Variants in CACNA2D3 observed in about 807,000 individuals in gnomAD.
CACNA2D3 encodes the protein voltage-dependent calcium channel subunit alpha-2/delta-3.
In CACNA2D3, 60 loss-of-function variants were observed where a neutral mutation model predicts 160.6. The observed-to-expected ratio is 0.37, with a 90% CI of 0.30 to 0.46. CACNA2D3 has a LOEUF of 0.46. CACNA2D3 is among the 20% of genes least tolerant of loss of function. CACNA2D3 has a pLI of 1.00. For missense variants in CACNA2D3, 1,205 were observed against 1,365.0 expected, an observed-to-expected ratio of 0.88 and a Z score of 1.85; for synonymous variants, 558 against 492.9, an observed-to-expected ratio of 1.13 and a Z score of -1.75.
intron 4 of CACNA2D3, among the ~76,000 whole-genome samples, chr3:54,418,703 A>G (rs951261867): frequency 2.6e-5 from 4 of 152,124 alleles, no homozygotes; most frequent in African/African-American, 9.7e-5. Flanking sequence ...TTACATGCCT[A>G]GTTTGTATAG....
intron 31 of CACNA2D3, among the ~76,000 whole-genome samples, chr3:54,995,205 C>T (rs1293224275): frequency 3.3e-5 from 5 of 152,076 alleles, no homozygotes; most frequent in Admixed American, 1.3e-4. Flanking sequence ...AACTCCTGAC[C>T]TCAGGTGATC....
chr3:55,034,412 T>G (rs1703768785), intron 35 of CACNA2D3, among the ~76,000 whole-genome samples: 1 of 152,088 alleles, frequency 6.6e-6, no homozygotes, highest in Non-Finnish European at 1.5e-5. Flanking sequence ...ATATTGTTAG[T>G]CTTTTCTTTT....
At chr3:54,292,529 T>C (rs1290024580) in intron 2 of CACNA2D3, among the ~76,000 whole-genome samples, 3 of 152,110 alleles carry the variant, frequency 2.0e-5, no homozygotes, top group Non-Finnish European at 4.4e-5. Context: ...AATAAACATA[T>C]ATCTTCAAAG....
chr3:54,775,960 C>T (rs1172958729), intron 13 of CACNA2D3, among the ~76,000 whole-genome samples: 1 of 152,130 alleles, frequency 6.6e-6, no homozygotes, highest in African/African-American at 2.4e-5. Flanking sequence ...TCCTACTTGC[C>T]ATCCCCAGTC....
intron 16 of CACNA2D3, among the ~76,000 whole-genome samples, chr3:54,844,632 T>C (rs1327202356): frequency 6.6e-6 from 1 of 152,140 alleles, no homozygotes; most frequent in Non-Finnish European, 1.5e-5. Context: ...TTTGCCCTCA[T>C]GAAACTTACA....
At chr3:55,062,967 C>A (rs145545447) in intron 35 of CACNA2D3, among the ~76,000 whole-genome samples, 1 of 152,298 alleles carries the variant, frequency 6.6e-6, no homozygotes, top group Admixed American at 6.5e-5. Flanking sequence ...ATGGCAAAGT[C>A]GCTGTGAGCA....
intron 25 of CACNA2D3, chr3:54,894,901 C>G (rs1008628484): frequency 6.6e-6 from 2 of 305,280 alleles, no homozygotes; most frequent in Non-Finnish European, 1.3e-5. Flanking sequence ...CTCCAGCATT[C>G]TAGATAGCAC....
chr3:54,164,206 G>A (rs114283150), intron 2 of CACNA2D3, among the ~76,000 whole-genome samples: 131 of 152,306 alleles, frequency 8.6e-4, no homozygotes, highest in African/African-American at 3.0e-3. Context: ...TCAGAGGGTA[G>A]GCCCGGCTGT....
intron 4 of CACNA2D3, among the ~76,000 whole-genome samples, chr3:54,448,511 G>A (rs1025981251): frequency 6.6e-6 from 1 of 152,148 alleles, no homozygotes; most frequent in African/African-American, 2.4e-5. Context: ...GGAGAGACCT[G>A]GTTTCACCCA....
chr3:54,380,771 A>G (rs1030204447), intron 3 of CACNA2D3, among the ~76,000 whole-genome samples: 1 of 152,104 alleles, frequency 6.6e-6, no homozygotes, highest in Non-Finnish European at 1.5e-5. Context: ...AATCTAGGGT[A>G]ACAGTTCAAC....
At chr3:55,029,831 C>G (rs569334012) in intron 35 of CACNA2D3, among the ~76,000 whole-genome samples, 1 of 152,194 alleles carries the variant, frequency 6.6e-6, no homozygotes, top group Non-Finnish European at 1.5e-5. Flanking sequence ...CAAGCATATG[C>G]TAATTTGTTG....
At chr3:54,203,298 T>C (rs964375996) in intron 2 of CACNA2D3, among the ~76,000 whole-genome samples, 3 of 152,148 alleles carry the variant, frequency 2.0e-5, no homozygotes, top group African/African-American at 7.2e-5. Flanking sequence ...CTTCACTGCC[T>C]TGTTGCTCAA....
At position 54,891,420 on chromosome 3, in the gene CACNA2D3, T is replaced by C. The variant is rs765825655; in HGVS notation, c.2216T>C (p.Leu739Pro). The C allele has an allele frequency of 6.2e-6, 10 of 1,613,788 alleles. No individual in the cohort carries two copies. Among genetic ancestry groups the C allele is most frequent in the Middle Eastern group, 1.6e-4 (1 of 6,080 alleles). ...GTRTGLSRIN[L>P]FVGAEQLTNQ... Reference sequence around the variant, plus strand: ...CGCACGGGCCTCTCCAGAATCAACCTGTTTGTCGGGGCTGAGCAGCTCACC... The same window carrying C: ...CGCACGGGCCTCTCCAGAATCAACCCGTTTGTCGGGGCTGAGCAGCTCACC... The change falls in exon 25 of 38, where the codon CTG (leucine) becomes CCG (proline). Residue 739 changes from leucine to proline, a missense_variant. Around this residue, in one of 3 missense-constraint regions of CACNA2D3, gnomAD observed 911 missense variants for 1,002.2 expected, o/e 0.91. Transcript: ENST00000474759.
At chr3:54,636,913 AG>A (rs539970724) in intron 10 of CACNA2D3, among the ~76,000 whole-genome samples, 8 of 152,130 alleles carry the variant, frequency 5.3e-5, no homozygotes, top group Admixed American at 5.2e-4. Flanking sequence ...GGTGAGTCTA[AG>A]TGAAAGCAAA....
intron 35 of CACNA2D3, among the ~76,000 whole-genome samples, chr3:55,052,498 A>G (rs754714617): frequency 9.9e-5 from 15 of 152,008 alleles, no homozygotes; most frequent in Non-Finnish European, 2.1e-4. Context: ...TTTTCTATAA[A>G]TGTTACTTAG....
At chr3:54,683,893 A>C (rs191406934) in intron 11 of CACNA2D3, among the ~76,000 whole-genome samples, 10 of 151,118 alleles carry the variant, frequency 6.6e-5, no homozygotes, top group Admixed American at 3.9e-4. Context: ...TTGTGGCAGC[A>C]TAACTCCAAT....
chr3:54,456,971 C>A (rs1700409928), intron 4 of CACNA2D3, among the ~76,000 whole-genome samples: 1 of 151,254 alleles, frequency 6.6e-6, no homozygotes, highest in Non-Finnish European at 1.5e-5. Context: ...ATTTTGCTTA[C>A]TTGGGTCTTT....
chr3:54,169,030 CTG>C lies in CACNA2D3; in HGVS notation c.204+45437_204+45438del, dbSNP rs545705531. On this transcript the variant is annotated intron_variant, in intron 2 of 37. Transcript: ENST00000474759. ...AGATTGAAATAGATGTTTGAGGACA[CTG>C]AGAATATGAAACATGCCATCACAAC... is the stretch of plus-strand genomic sequence containing the variant. Among the ~76,000 whole-genome samples, 30 of 152,274 alleles carry C rather than the reference CTG, an allele frequency of 2.0e-4. 1 individual carries two copies. In the South Asian group the frequency reaches 6.2e-3, roughly 32 times the overall value.
rs71096434 is a variant in CACNA2D3, at chr3:54,678,720, CAAAAAAA to C, written c.1167+36502_1167+36508del. On this transcript the variant is annotated intron_variant, in intron 11 of 37. Transcript: ENST00000474759. ...TGGGTGACAGAGTGAGACTCGGTCT[CAAAAAAA>C]AAAAAAAAAAAAAAAAAAAAAAGTT... Among the ~76,000 whole-genome samples, 34 of 45,916 alleles carry C rather than the reference CAAAAAAA, an allele frequency of 7.4e-4. 1 individual carries two copies. The highest frequency in any genetic ancestry group is 2.4e-3 in the African/African-American group (25 of 10,318). The allele number at this position is 45,916 out of a possible 152,430, so 30.1% of individuals were successfully genotyped here.
Sources: allele counts gnomAD v4.1 joint callset (sites outside exome capture counted in the v4.1 genomes callset), GRCh38; gene constraint gnomAD v4.1.1; regional missense constraint gnomAD v4.1.1; transcripts MANE v1.5; gene names NCBI Gene and HGNC (gene_info 2026-07-23, HGNC 2026-07-21).